Variants in PTPRM observed in about 807,000 individuals in gnomAD.
PTPRM encodes the protein protein tyrosine phosphatase receptor type M, also known as receptor-type tyrosine-protein phosphatase mu.
PTPRM carries 47 observed loss-of-function variants against 186.7 expected under a neutral mutation model. That is an observed-to-expected ratio of 0.25 (90% CI 0.20 to 0.32). The LOEUF is 0.32. Among genes scored for constraint, PTPRM ranks in the 10% least tolerant of loss-of-function variants. The pLI is 1.00. For missense variants in PTPRM, 1,494 were observed against 1,865.0 expected (o/e 0.80, Z 3.66); for synonymous variants, 668 against 674.9 (o/e 0.99, Z 0.16).
At chr18:8,107,349 G>A (rs190133060) in intron 11 of PTPRM, among the ~76,000 whole-genome samples, 1 of 152,258 alleles carries the variant, frequency 6.6e-6, no homozygotes, top group African/African-American at 2.4e-5. Context: ...TGAGCCTAAT[G>A]TTCTAGTTGT....
chr18:7,725,258 A>G (rs1309265009), intron 1 of PTPRM, among the ~76,000 whole-genome samples: 2 of 152,110 alleles, frequency 1.3e-5, no homozygotes, highest in African/African-American at 2.4e-5. Flanking sequence ...CTTTTTTGAG[A>G]TATAATCCAC....
Position 7,977,856 on chromosome 18 carries a change from C to T in PTPRM, c.1132+22442C>T, listed in dbSNP as rs141417323. Among the ~76,000 whole-genome samples, 1,223 of 152,282 alleles carry T rather than the reference C, an allele frequency of 8.0e-3. 12 individuals carry two copies. The highest frequency in any genetic ancestry group is 8.5e-3 in the Non-Finnish European group (579 of 68,016). On this transcript the variant is annotated intron_variant, in intron 7 of 32. Coordinates refer to ENST00000580170, the MANE Select transcript of PTPRM (RefSeq NM_001105244.2). ...TCTGCCAGCATCCATGAAACAGTGG[C>T]AGGCAAACTCGTAGGCTTGAAACTT...
chr18:7,623,520 T>C (rs371107244), intron 1 of PTPRM, among the ~76,000 whole-genome samples: 10 of 152,182 alleles, frequency 6.6e-5, no homozygotes, highest in African/African-American at 2.4e-4. Flanking sequence ...TCATCATGAT[T>C]TTTCCATGCT....
chr18:8,361,293 C>T (rs2095595807), intron 23 of PTPRM, among the ~76,000 whole-genome samples: 1 of 152,158 alleles, frequency 6.6e-6, no homozygotes, highest in Non-Finnish European at 1.5e-5. Context: ...CTTCCTAATA[C>T]TGATACAGAC....
At chr18:7,822,481 C>T (rs983153505) in intron 2 of PTPRM, among the ~76,000 whole-genome samples, 5 of 152,134 alleles carry the variant, frequency 3.3e-5, no homozygotes, top group African/African-American at 9.7e-5. Context: ...TTTACAATTT[C>T]GCCAATAGAT....
chr18:8,270,645 G>A (rs1010714687), intron 19 of PTPRM, among the ~76,000 whole-genome samples: 1 of 152,080 alleles, frequency 6.6e-6, no homozygotes, highest in East Asian at 1.9e-4. Context: ...AAATTATGGT[G>A]CATATATGCA....
chr18:8,400,755 C>A (rs1165323455), intron 32 of PTPRM, among the ~76,000 whole-genome samples: 3 of 152,248 alleles, frequency 2.0e-5, no homozygotes, highest in African/African-American at 7.2e-5. Flanking sequence ...AATGGACTCA[C>A]ATACAAAATG....
chr18:7,819,080 C>T (rs892641694), intron 2 of PTPRM, among the ~76,000 whole-genome samples: 51 of 152,248 alleles, frequency 3.3e-4, no homozygotes, highest in African/African-American at 1.2e-3. Flanking sequence ...GATAGTGGGC[C>T]TGAGAAATGT....
At chr18:8,014,508 T>A (rs1318126078) in intron 7 of PTPRM, among the ~76,000 whole-genome samples, 1 of 152,202 alleles carries the variant, frequency 6.6e-6, no homozygotes, top group Non-Finnish European at 1.5e-5. Flanking sequence ...GTGCAAGTGT[T>A]ATAAGATAAT....
Position 8,279,717 on chromosome 18 carries a change from T to C in PTPRM, c.2755-16651T>C, listed in dbSNP as rs182238533. ...CATTGAATGTTCACTATGGAGAGGA[T>C]GCTCAGAGAAGCAGAGATTGTCTGT... On this transcript the variant is annotated intron_variant, in intron 19 of 32. Coordinates refer to ENST00000580170, the MANE Select transcript of PTPRM (RefSeq NM_001105244.2). Among the ~76,000 whole-genome samples, 261 of 152,308 alleles carry C rather than the reference T, an allele frequency of 1.7e-3. 2 individuals carry two copies. Among genetic ancestry groups the C allele is most frequent in the Non-Finnish European group, 1.3e-3 (88 of 68,016 alleles).
intron 2 of PTPRM, among the ~76,000 whole-genome samples, chr18:7,858,535 T>G (rs1255010713): frequency 6.6e-6 from 1 of 152,210 alleles, no homozygotes; most frequent in Admixed American, 6.5e-5. Flanking sequence ...CACTCTACCC[T>G]GGGCGAGTGA....
At chr18:8,090,863 G>A (rs184106649) in intron 11 of PTPRM, among the ~76,000 whole-genome samples, 184 of 152,284 alleles carry the variant, frequency 1.2e-3, no homozygotes, top group African/African-American at 3.8e-3. Flanking sequence ...CCAAAGTGCA[G>A]GGATTACAGG....
intron 14 of PTPRM, among the ~76,000 whole-genome samples, chr18:8,217,758 G>A (rs1449033199): frequency 6.6e-6 from 1 of 152,122 alleles, no homozygotes; most frequent in East Asian, 1.9e-4. Context: ...GTTTTGTTTT[G>A]TTTGTGGTCA....
At chr18:8,160,484 A>G (rs1054399152) in intron 14 of PTPRM, among the ~76,000 whole-genome samples, 5 of 152,036 alleles carry the variant, frequency 3.3e-5, no homozygotes, top group Admixed American at 3.3e-4. Flanking sequence ...TTGTAGAGAC[A>G]GGGTGTTGCC....
In PTPRM at chr18:7,676,701, G is replaced by A. The variant is rs116416962; in HGVS notation, c.74-97448G>A. 1.7e-3 allele frequency among the ~76,000 whole-genome samples: 257 copies of A among 151,776 alleles called. 2 individuals are homozygous for A. The highest frequency in any genetic ancestry group is 5.5e-3 in the African/African-American group (227 of 41,356). ...TGTGTGTGTGTGTGCGCGTGCACGC[G>A]CACGCGCATGGATTAGGTGTTAGGA... On this transcript the variant is annotated intron_variant, in intron 1 of 32. Coordinates refer to ENST00000580170, the MANE Select transcript of PTPRM (RefSeq NM_001105244.2).
chr18:8,255,454 T>A (rs991940522), intron 19 of PTPRM, among the ~76,000 whole-genome samples: 2 of 152,198 alleles, frequency 1.3e-5, no homozygotes, highest in African/African-American at 4.8e-5. Context: ...AACTGAAATA[T>A]TATATACTAA....
At chr18:8,293,235 C>A (rs2095060247) in intron 19 of PTPRM, among the ~76,000 whole-genome samples, 1 of 152,210 alleles carries the variant, frequency 6.6e-6, no homozygotes, top group African/African-American at 2.4e-5. Context: ...TGATTTGTGT[C>A]TGTTTCTTGG....
chr18:8,390,704 G>A (rs776443144), intron 31 of PTPRM, among the ~76,000 whole-genome samples: 76 of 152,026 alleles, frequency 5.0e-4, no homozygotes, highest in Non-Finnish European at 9.9e-4. Flanking sequence ...TGAGGCGGGT[G>A]GATCACGAGA....
chr18:8,222,943 G>C (rs1294496087), intron 14 of PTPRM, among the ~76,000 whole-genome samples: 5 of 152,118 alleles, frequency 3.3e-5, no homozygotes, highest in African/African-American at 9.7e-5. Flanking sequence ...TAAATAATAG[G>C]CTAGTGTGGT....
Sources: allele counts gnomAD v4.1 joint callset (sites outside exome capture counted in the v4.1 genomes callset), GRCh38; gene constraint gnomAD v4.1.1; transcripts MANE v1.5; gene names NCBI Gene and HGNC (gene_info 2026-07-23, HGNC 2026-07-21).